Variants in ANKFN1 observed in about 807,000 individuals in gnomAD.
The protein encoded by ANKFN1 is ankyrin repeat and fibronectin type III domain containing 1, also known as ankyrin repeat and fibronectin type-III domain-containing protein 1.
In ANKFN1, 74 loss-of-function variants were observed where a neutral mutation model predicts 108.7. That is an observed-to-expected ratio of 0.68 (90% CI 0.56 to 0.83). The LOEUF (loss-of-function observed/expected upper bound fraction) is 0.83. Among genes scored for constraint, ANKFN1 ranks in the 40% least tolerant of loss-of-function variants. ANKFN1 has a pLI of 0.00. For synonymous variants in ANKFN1, 547 were observed against 516.2 expected, an observed-to-expected ratio of 1.06 and a Z score of -0.81; for missense variants, 1,505 against 1,382.3, an observed-to-expected ratio of 1.09 and a Z score of -1.41.
At chr17:56,111,570 C>T (rs1233188749) in intron 4 of ANKFN1, among the ~76,000 whole-genome samples, 1 of 142,798 alleles carries the variant, frequency 7.0e-6, no homozygotes, top group African/African-American at 2.6e-5. Context: ...TTACTAGGAA[C>T]AAATCCCTTG....
chr17:56,170,339 C>T (rs1249241397), intron 1 of ANKFN1, among the ~76,000 whole-genome samples: 2 of 152,024 alleles, frequency 1.3e-5, no homozygotes, highest in Admixed American at 6.5e-5. Context: ...TACGGGAGTA[C>T]GTATAAGAGC....
At chr17:56,085,281 G>A (rs944370309) in intron 4 of ANKFN1, among the ~76,000 whole-genome samples, 7 of 150,076 alleles carry the variant, frequency 4.7e-5, no homozygotes, top group African/African-American at 1.7e-4. Flanking sequence ...ATATAACTAA[G>A]AGATGAGGTG....
chr17:56,474,164 T>G (rs934511454), intron 15 of ANKFN1, among the ~76,000 whole-genome samples: 9 of 152,174 alleles, frequency 5.9e-5, no homozygotes, highest in African/African-American at 2.2e-4. Context: ...TGTCAATAAA[T>G]AAGCTGAACA....
Position 56,405,294 on chromosome 17 carries a change from CTT to C in ANKFN1, c.910+30582_910+30583del, listed in dbSNP as rs146267503. Among the ~76,000 whole-genome samples, 1,171 of 152,308 alleles carry C rather than the reference CTT, an allele frequency of 7.7e-3. 14 individuals carry two copies. Among genetic ancestry groups the C allele is most frequent in the African/African-American group, 0.026 (1,081 of 41,570 alleles). ...CTAAGCATATAAAAAGATGTTCAAA[CTT>C]TCTCATTATGCAAGAAATGCAACCT... On this transcript the variant is annotated intron_variant, in intron 8 of 20. Transcript: ENST00000682825.
chr17:56,430,593 C>T (rs1479248155), intron 8 of ANKFN1, among the ~76,000 whole-genome samples: 1 of 151,734 alleles, frequency 6.6e-6, no homozygotes, highest in Non-Finnish European at 1.5e-5. Flanking sequence ...GTAATCATTT[C>T]ACTATGTATA....
chr17:56,133,987 A>G (rs1907446041), intron 4 of ANKFN1, among the ~76,000 whole-genome samples: 3 of 152,112 alleles, frequency 2.0e-5, no homozygotes, highest in Admixed American at 2.0e-4. Flanking sequence ...ACTTACCCCA[A>G]CTTTTGATGC....
chr17:56,364,587 T>C (rs2215755), intron 6 of ANKFN1, among the ~76,000 whole-genome samples: 101,226 of 152,120 alleles, frequency 0.67, 35,239 homozygotes, highest in East Asian at 0.96. Context: ...CTTTGAATTT[T>C]CTAAATAATC....
chr17:56,294,800 T>C (rs1372979963), intron 3 of ANKFN1, among the ~76,000 whole-genome samples: 1 of 152,210 alleles, frequency 6.6e-6, no homozygotes, highest in Admixed American at 6.5e-5. Flanking sequence ...CTTTCTGTAC[T>C]CTGTACACAA....
chr17:56,156,966 C>G (rs1909175939), intron 1 of ANKFN1, among the ~76,000 whole-genome samples: 1 of 147,608 alleles, frequency 6.8e-6, no homozygotes, highest in Non-Finnish European at 1.5e-5. Context: ...TGCCAGCCCC[C>G]CATCTACACC....
intron 14 of ANKFN1, among the ~76,000 whole-genome samples, chr17:56,459,902 CT>C (rs2049843566): frequency 6.6e-6 from 1 of 152,178 alleles, no homozygotes; most frequent in South Asian, 2.1e-4. Context: ...CAGCCCACTT[CT>C]GAAGTCATTT....
intron 6 of ANKFN1, among the ~76,000 whole-genome samples, chr17:56,370,724 G>A (rs1343907826): frequency 6.6e-6 from 1 of 152,146 alleles, no homozygotes; most frequent in African/African-American, 2.4e-5. Context: ...ATACGAATTT[G>A]TTTTAAACTG....
chr17:56,054,358 G>A (rs957691992), intron 4 of ANKFN1, among the ~76,000 whole-genome samples: 2 of 152,164 alleles, frequency 1.3e-5, no homozygotes, highest in African/African-American at 4.8e-5. Flanking sequence ...ACTCACTCAG[G>A]TTTTGAGATG....
intron 4 of ANKFN1, among the ~76,000 whole-genome samples, chr17:56,049,211 A>C (rs1904731243): frequency 6.6e-6 from 1 of 152,144 alleles, no homozygotes; most frequent in African/African-American, 2.4e-5. Context: ...ACTCACTTAT[A>C]AATTGCTTCA....
In ANKFN1 at chr17:56,467,852, A is replaced by AAGAAAG. The variant is rs1175301331; in HGVS notation, c.1773+1282_1773+1283insGAAAGA. On this transcript the variant is annotated intron_variant, in intron 15 of 20. Coordinates refer to ENST00000682825, the MANE Select transcript of ANKFN1 (RefSeq NM_001370326.1). The stretch of plus-strand genomic sequence containing the variant: ...AAAGAAAGAAAGAAAGAAAGAAAGA[A>AAGAAAG]AAAGGGAAAGAAAGAAAGAACTAGA... 9.7e-3 allele frequency among the ~76,000 whole-genome samples: 221 copies of AAGAAAG among 22,896 alleles called. 8 individuals carry two copies. Among genetic ancestry groups the AAGAAAG allele is most frequent in the African/African-American group, 0.022 (207 of 9,582 alleles). The allele number at this position is 22,896 out of a possible 152,430, so 15.0% of individuals were successfully genotyped here.
At chr17:56,267,628 C>G (rs552974950) in intron 3 of ANKFN1, among the ~76,000 whole-genome samples, 13 of 152,176 alleles carry the variant, frequency 8.5e-5, no homozygotes, top group Non-Finnish European at 1.2e-4. Flanking sequence ...GCAGTTATCC[C>G]AGCACCATTT....
chr17:56,264,561 T>G (rs1428857782), intron 3 of ANKFN1, among the ~76,000 whole-genome samples: 1 of 152,232 alleles, frequency 6.6e-6, no homozygotes, highest in Non-Finnish European at 1.5e-5. Flanking sequence ...ATATCTCATG[T>G]TCCCTGTGCT....
At chr17:56,352,116 G>A (rs780315343) in intron 5 of ANKFN1, among the ~76,000 whole-genome samples, 9 of 152,100 alleles carry the variant, frequency 5.9e-5, no homozygotes, top group Non-Finnish European at 1.2e-4. Flanking sequence ...TGGTTAAATC[G>A]GGGCCTAAGC....
intron 4 of ANKFN1, among the ~76,000 whole-genome samples, chr17:56,069,081 T>C (rs1442486097): frequency 6.6e-6 from 1 of 152,198 alleles, no homozygotes; most frequent in African/African-American, 2.4e-5. Flanking sequence ...CATGAGGAAT[T>C]GAGGAAATGG....
intron 8 of ANKFN1, among the ~76,000 whole-genome samples, chr17:56,422,976 G>C (rs955516962): frequency 2.6e-5 from 4 of 152,206 alleles, no homozygotes; most frequent in Admixed American, 2.6e-4. Context: ...CTGCAGCAGA[G>C]TTCTCCAGGG....
Sources: allele counts gnomAD v4.1 joint callset (sites outside exome capture counted in the v4.1 genomes callset), GRCh38; gene constraint gnomAD v4.1.1; transcripts MANE v1.5; gene names NCBI Gene and HGNC (gene_info 2026-07-23, HGNC 2026-07-21).